The following TENM2 variants were observed in gnomAD, a reference collection of about 807,000 sequenced individuals.
The protein encoded by TENM2 is teneurin transmembrane protein 2.
Under a neutral mutation model 245.2 loss-of-function variants are expected in TENM2, and 52 were observed. The observed-to-expected ratio is 0.21, with a 90% CI of 0.17 to 0.27. The LOEUF (loss-of-function observed/expected upper bound fraction) is 0.27. Ranked by LOEUF, TENM2 falls within the 10% of genes least tolerant of loss-of-function variation. The pLI is 1.00. For synonymous variants in TENM2, 1,363 were observed against 1,438.9 expected (o/e 0.95, Z 1.19); for missense variants, 3,046 against 3,666.8 (o/e 0.83, Z 4.37).
exon 10 of TENM2, chr5:168,118,304 T>A (rs1795229000): frequency 6.3e-7 from 1 of 1,594,890 alleles, no homozygotes; most frequent in African/African-American, 1.3e-5. Flanking sequence ...GCCTGCCCTG[T>A]CCTGTGCAGT....
At chr5:167,440,771 T>G (rs1459371648) in intron 2 of TENM2, among the ~76,000 whole-genome samples, 1 of 152,164 alleles carries the variant, frequency 6.6e-6, no homozygotes, top group Non-Finnish European at 1.5e-5. Context: ...TTTCTCTTTC[T>G]TTTCTCCTTT....
At chr5:167,887,176 G>A (rs1464756191) in intron 3 of TENM2, among the ~76,000 whole-genome samples, 1 of 152,184 alleles carries the variant, frequency 6.6e-6, no homozygotes, top group African/African-American at 2.4e-5. Flanking sequence ...TTTATAGTCT[G>A]CCTTATTCAA....
At chr5:167,200,591 A>G in the TENM2 span, among the ~76,000 whole-genome samples, 3 of 152,088 alleles carry the variant, frequency 2.0e-5, no homozygotes, top group Non-Finnish European at 4.4e-5. Flanking sequence ...ACCAATGTAT[A>G]GCATGTTATG....
the TENM2 span, among the ~76,000 whole-genome samples, chr5:167,268,824 C>G: frequency 6.6e-6 from 1 of 151,696 alleles, no homozygotes; most frequent in Non-Finnish European, 1.5e-5. Flanking sequence ...GTTTGTTGAT[C>G]CCTGACATAT....
intron 13 of TENM2, among the ~76,000 whole-genome samples, chr5:168,177,194 C>A (rs1376170402): frequency 6.6e-6 from 1 of 152,226 alleles, no homozygotes; most frequent in Non-Finnish European, 1.5e-5. Context: ...TGAATCCCAG[C>A]TTCCCCACCC....
intron 6 of TENM2, among the ~76,000 whole-genome samples, chr5:168,060,218 T>C (rs763595903): frequency 3.3e-4 from 49 of 150,254 alleles, no homozygotes; most frequent in Non-Finnish European, 6.7e-4. Flanking sequence ...AGTGACACCT[T>C]GTCTCTACGA....
intron 1 of TENM2, among the ~76,000 whole-genome samples, chr5:167,322,533 C>A (rs539031180): frequency 6.6e-6 from 1 of 152,268 alleles, no homozygotes; most frequent in Non-Finnish European, 1.5e-5. Flanking sequence ...GTTGTGAAGA[C>A]CAAATGAGAT....
exon 2 of TENM2, chr5:167,375,314 G>A (rs575852336): frequency 6.4e-7 from 1 of 1,551,672 alleles, no homozygotes; most frequent in Middle Eastern, 1.7e-4. Flanking sequence ...AGGGTCTGAC[G>A]CCGACTCCGA....
chr5:167,884,715 A>T (rs752260713), intron 3 of TENM2, among the ~76,000 whole-genome samples: 25 of 152,332 alleles, frequency 1.6e-4, no homozygotes, highest in Admixed American at 3.3e-4. Context: ...TGCTAGGAAT[A>T]TTGGTGTACA....
intron 2 of TENM2, among the ~76,000 whole-genome samples, chr5:167,603,279 T>A (rs1405046910): frequency 1.3e-5 from 2 of 152,202 alleles, no homozygotes; most frequent in Non-Finnish European, 2.9e-5. Flanking sequence ...TTCCTTGAAT[T>A]GTTTAATGTC....
chr5:168,109,537 CTTG>C (rs1162859927), intron 9 of TENM2, among the ~76,000 whole-genome samples: 1 of 152,190 alleles, frequency 6.6e-6, no homozygotes, highest in African/African-American at 2.4e-5. Context: ...CACTGGAGCC[CTTG>C]TTGGAATCAT....
Position 167,900,699 on chromosome 5 carries a change from G to A in TENM2, c.712+24504G>A, listed in dbSNP as rs529948783. Among the ~76,000 whole-genome samples, 504 of 152,240 alleles carry A rather than the reference G, an allele frequency of 3.3e-3. 2 individuals carry two copies. Among genetic ancestry groups the A allele is most frequent in the African/African-American group, 8.5e-3 (352 of 41,546 alleles). On this transcript the variant is annotated intron_variant, in intron 3 of 28. Coordinates refer to ENST00000518659, the Ensembl canonical transcript of TENM2. ...GGCTAATTTTCTTGTTAATCACTGCGTTGGTTAATAACCACCTAGTTATGA... is the reference window on the plus strand; with the variant it reads ...GGCTAATTTTCTTGTTAATCACTGCATTGGTTAATAACCACCTAGTTATGA...
At chr5:167,062,595 T>C in the TENM2 span, among the ~76,000 whole-genome samples, 1 of 152,332 alleles carries the variant, frequency 6.6e-6, no homozygotes, top group Admixed American at 6.5e-5. Flanking sequence ...TCATTCAACA[T>C]GGATTGAACA....
At chr5:167,752,538 G>A (rs1762031796) in intron 2 of TENM2, among the ~76,000 whole-genome samples, 1 of 152,120 alleles carries the variant, frequency 6.6e-6, no homozygotes, top group African/African-American at 2.4e-5. Context: ...AGTTAGCTGT[G>A]ATGGAAAACC....
At chr5:167,515,529 G>A (rs1770267034) in intron 2 of TENM2, among the ~76,000 whole-genome samples, 1 of 145,898 alleles carries the variant, frequency 6.9e-6, no homozygotes, top group Non-Finnish European at 1.5e-5. Context: ...TACCAAAGCA[G>A]AAGACTTCAG....
the TENM2 span, among the ~76,000 whole-genome samples, chr5:167,150,741 G>A: frequency 6.6e-6 from 1 of 152,118 alleles, no homozygotes. Context: ...TAGATTCAAG[G>A]CTAATCCTGT....
chr5:168,084,515 G>A (rs1329781946), intron 7 of TENM2, among the ~76,000 whole-genome samples: 2 of 152,172 alleles, frequency 1.3e-5, no homozygotes, highest in East Asian at 3.9e-4. Flanking sequence ...TTTCAGTTGG[G>A]TAGTCAGGGA....
intron 2 of TENM2, among the ~76,000 whole-genome samples, chr5:167,557,431 A>C (rs939834285): frequency 6.6e-6 from 1 of 152,220 alleles, no homozygotes; most frequent in Non-Finnish European, 1.5e-5. Context: ...AATTTCAAGC[A>C]AGTTACTTTT....
At chr5:167,265,331 CAA>C in the TENM2 span, among the ~76,000 whole-genome samples, 5 of 39,396 alleles carry the variant, frequency 1.3e-4, no homozygotes, top group African/African-American at 3.2e-4. Flanking sequence ...GACTCTGTCT[CAA>C]AAAAAAAAAA....
Sources: gnomAD v4.1 joint callset for allele counts (sites outside exome capture counted in the v4.1 genomes callset) on GRCh38, gnomAD v4.1.1 for gene constraint, MANE v1.5 for transcripts, NCBI Gene and HGNC (gene_info 2026-07-23, HGNC 2026-07-21) for gene names.